MARCHF1: variants seen among roughly 807,000 people sequenced by gnomAD.
MARCHF1 encodes E3 ubiquitin-protein ligase MARCHF1.
A neutral mutation model predicts 54.2 loss-of-function variants in MARCHF1; 40 were observed. That is an observed-to-expected ratio of 0.74 (90% CI 0.57 to 0.96). MARCHF1 has a LOEUF of 0.96. Among genes scored for constraint, MARCHF1 ranks in the 40% least tolerant of loss-of-function variants. MARCHF1 has a pLI of 0.00. For synonymous variants in MARCHF1, 236 were observed against 236.3 expected (o/e 1.00, Z 0.01); for missense variants, 586 against 656.5 (o/e 0.89, Z 1.17).
chr4:164,014,527 A>G (rs1753495823), intron 2 of MARCHF1, among the ~76,000 whole-genome samples: 1 of 152,192 alleles, frequency 6.6e-6, no homozygotes, highest in African/African-American at 2.4e-5. Flanking sequence ...ACAGAATGGC[A>G]GTAGAAAGTC....
intron 1 of MARCHF1, among the ~76,000 whole-genome samples, chr4:164,230,999 C>G (rs1560964636): frequency 6.6e-6 from 1 of 152,032 alleles, no homozygotes. Flanking sequence ...AACACAAATG[C>G]TCAAGAAATC....
chr4:164,269,095 C>G (rs1017543058), intron 1 of MARCHF1, among the ~76,000 whole-genome samples: 1 of 152,118 alleles, frequency 6.6e-6, no homozygotes, highest in African/African-American at 2.4e-5. Context: ...GCAGATTATA[C>G]TACAGTGAAA....
chr4:163,590,396 G>A (rs543845034), intron 7 of MARCHF1, among the ~76,000 whole-genome samples: 9 of 152,066 alleles, frequency 5.9e-5, no homozygotes, highest in Middle Eastern at 3.4e-3. Flanking sequence ...ACATCTCAGT[G>A]TCTTTCATAT....
intron 2 of MARCHF1, among the ~76,000 whole-genome samples, chr4:164,051,857 G>C (rs954484126): frequency 1.3e-5 from 2 of 152,102 alleles, no homozygotes; most frequent in African/African-American, 4.8e-5. Context: ...TAAAATAATG[G>C]AGAATTTTAG....
At chr4:163,891,107 G>T (rs1750651819) in intron 3 of MARCHF1, among the ~76,000 whole-genome samples, 1 of 151,964 alleles carries the variant, frequency 6.6e-6, no homozygotes, top group Admixed American at 6.6e-5. Flanking sequence ...GGAGAGGAAA[G>T]GTCCCCAAAT....
At chr4:163,825,343 T>C (rs754690297) in intron 4 of MARCHF1, among the ~76,000 whole-genome samples, 71 of 152,088 alleles carry the variant, frequency 4.7e-4, no homozygotes, top group Non-Finnish European at 9.0e-4. Flanking sequence ...CAGTCTAACA[T>C]TGATGGGCAT....
chr4:164,143,783 G>C (rs1237878642), intron 1 of MARCHF1, among the ~76,000 whole-genome samples: 1 of 152,178 alleles, frequency 6.6e-6, no homozygotes, highest in East Asian at 1.9e-4. Flanking sequence ...AAAATAACCA[G>C]CTAACATCAT....
At chr4:163,700,729 A>T (rs1011512392) in intron 5 of MARCHF1, 84 bp downstream of exon 5, 7 of 1,024,680 alleles carry the variant, frequency 6.8e-6, no homozygotes, top group Non-Finnish European at 1.0e-5. Flanking sequence ...CACAGATAAC[A>T]ATTATAGGTT....
intron 4 of MARCHF1, among the ~76,000 whole-genome samples, chr4:163,772,174 A>G (rs1367538011): frequency 1.3e-5 from 2 of 152,156 alleles, no homozygotes; most frequent in Non-Finnish European, 2.9e-5. Context: ...TACCCAGCAT[A>G]TTCAATTCCT....
chr4:163,992,232 T>C (rs1288572546), intron 2 of MARCHF1, among the ~76,000 whole-genome samples: 1 of 152,108 alleles, frequency 6.6e-6, no homozygotes, highest in Non-Finnish European at 1.5e-5. Flanking sequence ...GTTAAGCATC[T>C]TCTGTGTTTT....
chr4:164,080,385 C>T (rs60225575), intron 2 of MARCHF1, among the ~76,000 whole-genome samples: 102 of 152,270 alleles, frequency 6.7e-4, no homozygotes, highest in Middle Eastern at 3.4e-3. Flanking sequence ...TTTAGTTATA[C>T]ATTAATAGAT....
At chr4:163,747,355 C>T (rs1362235949) in intron 4 of MARCHF1, among the ~76,000 whole-genome samples, 2 of 152,182 alleles carry the variant, frequency 1.3e-5, no homozygotes, top group East Asian at 3.9e-4. Context: ...TATAAATTTT[C>T]TCTGATGGAA....
At chr4:163,645,496 G>C (rs13128163) in intron 5 of MARCHF1, among the ~76,000 whole-genome samples, 50,129 of 152,074 alleles carry the variant, frequency 0.33, 9,215 homozygotes, top group Non-Finnish European at 0.42. Flanking sequence ...CCAAAAGAAA[G>C]AAATAAAGTT....
At chr4:163,714,010 G>A (rs376918128) in intron 4 of MARCHF1, among the ~76,000 whole-genome samples, 11 of 152,160 alleles carry the variant, frequency 7.2e-5, no homozygotes, top group East Asian at 5.8e-4. Flanking sequence ...AAGATTGTAC[G>A]TAGTTGAAAT....
chr4:164,234,788 C>T (rs74975539), intron 1 of MARCHF1: 2 of 152,142 alleles, frequency 1.3e-5, no homozygotes, highest in East Asian at 3.9e-4. Flanking sequence ...GATTTTCAGT[C>T]TCAGCAGATA....
chr4:163,864,153 C>T (rs1750001668), intron 3 of MARCHF1, among the ~76,000 whole-genome samples: 1 of 151,882 alleles, frequency 6.6e-6, no homozygotes, highest in Non-Finnish European at 1.5e-5. Context: ...AAACTGCCTT[C>T]CGAAGAGTAC....
At chr4:163,906,718 CAAAT>C (rs1479783174) in intron 3 of MARCHF1, among the ~76,000 whole-genome samples, 1 of 147,994 alleles carries the variant, frequency 6.8e-6, no homozygotes, top group African/African-American at 2.5e-5. Flanking sequence ...AAGTCTTAGA[CAAAT>C]AAAAAAAAAG....
chr4:163,708,987 T>C (rs1337533231), intron 4 of MARCHF1, among the ~76,000 whole-genome samples: 2 of 152,176 alleles, frequency 1.3e-5, no homozygotes, highest in East Asian at 3.8e-4. Flanking sequence ...GTTAAGGTAA[T>C]AAAGTTATAG....
At chr4:163,902,109 A>G (rs1246073589) in intron 3 of MARCHF1, among the ~76,000 whole-genome samples, 1 of 152,210 alleles carries the variant, frequency 6.6e-6, no homozygotes, top group Non-Finnish European at 1.5e-5. Flanking sequence ...AGGGTAACAC[A>G]TATCAGAAGC....
Sources: allele counts gnomAD v4.1 joint callset (sites outside exome capture counted in the v4.1 genomes callset), GRCh38; gene constraint gnomAD v4.1.1; transcripts MANE v1.5; gene names NCBI Gene and HGNC (gene_info 2026-07-23, HGNC 2026-07-21).